The following SGCD variants were observed in gnomAD, a reference collection of about 807,000 sequenced individuals.
The protein encoded by SGCD is sarcoglycan delta, also known as delta-sarcoglycan.
A neutral mutation model predicts 36.6 loss-of-function variants in SGCD; 18 were observed. That is an observed-to-expected ratio of 0.49 (90% CI 0.34 to 0.73). The LOEUF (loss-of-function observed/expected upper bound fraction) is 0.73, where lower values mean the gene tolerates loss of function less well. SGCD is among the 30% of genes least tolerant of loss of function. The probability of loss-of-function intolerance (pLI) is 0.01; values close to 1 mark genes in which losing one functional copy is unlikely to be tolerated. For synonymous variants in SGCD, 133 were observed against 130.6 expected, an observed-to-expected ratio of 1.02 and a Z score of -0.12; for missense variants, 387 against 346.7, an observed-to-expected ratio of 1.12 and a Z score of -0.92.
chr5:155,756,279 G>A, the SGCD span, among the ~76,000 whole-genome samples: 1 of 152,330 alleles, frequency 6.6e-6, no homozygotes, highest in Admixed American at 6.5e-5. Flanking sequence ...TATCCATAGG[G>A]TACTGATTAT....
the SGCD span, among the ~76,000 whole-genome samples, chr5:155,735,266 C>T: frequency 6.6e-6 from 1 of 152,266 alleles, no homozygotes; most frequent in African/African-American, 2.4e-5. Context: ...ATGTTGGTAG[C>T]TTTGGGCAAG....
chr5:156,619,302 G>C (rs1581266598), intron 6 of SGCD, among the ~76,000 whole-genome samples: 1 of 152,272 alleles, frequency 6.6e-6, no homozygotes, highest in East Asian at 1.9e-4. Context: ...TGGGATTACA[G>C]GCGTGAGCTG....
chr5:156,158,756 G>A (rs972777044), intron 3 of SGCD, among the ~76,000 whole-genome samples: 1 of 151,382 alleles, frequency 6.6e-6, no homozygotes, highest in Non-Finnish European at 1.5e-5. Flanking sequence ...TATTTAGCAG[G>A]CACTTAGAAT....
chr5:156,333,621 C>T (rs1768173106), intron 2 of SGCD, among the ~76,000 whole-genome samples: 1 of 151,878 alleles, frequency 6.6e-6, no homozygotes. Flanking sequence ...GATTACTTAA[C>T]CACTCTTTCT....
intron 3 of SGCD, among the ~76,000 whole-genome samples, chr5:156,500,907 C>T (rs530109115): frequency 6.6e-6 from 1 of 152,282 alleles, no homozygotes; most frequent in South Asian, 2.1e-4. Flanking sequence ...CCACGTCACT[C>T]AGAATTTTGC....
rs547329808 is a variant in SGCD at position 156,020,207 on chromosome 5, GAT to G, written c.-281-97668_-281-97667del. Among the ~76,000 whole-genome samples, 356 of 152,294 alleles carry G rather than the reference GAT, an allele frequency of 2.3e-3. 1 individual carries two copies. The highest frequency in any genetic ancestry group is 8.0e-3 in the African/African-American group (332 of 41,552). On this transcript the variant is annotated intron_variant, in intron 1 of 9. Transcript: ENST00000517913. ...TTATTCTTCACTCTTTCCACTTAAT[GAT>G]ATGTCTGAAAGATCTTGAGATATCA...
intron 1 of SGCD, among the ~76,000 whole-genome samples, chr5:156,054,355 GGCTCACGGCAA>G (rs1760005103): frequency 7.2e-6 from 1 of 138,262 alleles, no homozygotes; most frequent in East Asian, 2.0e-4. Context: ...GCGCGATCTC[GGCTCACGGCAA>G]GCTCCGCCTC....
At chr5:155,733,896 T>C in the SGCD span, among the ~76,000 whole-genome samples, 25 of 152,008 alleles carry the variant, frequency 1.6e-4, no homozygotes, top group Non-Finnish European at 2.6e-4. Flanking sequence ...TGATGAATGA[T>C]TGAAGTGCTT....
intron 1 of SGCD, among the ~76,000 whole-genome samples, chr5:155,889,669 A>G (rs1756079825): frequency 6.6e-6 from 1 of 152,216 alleles, no homozygotes; most frequent in Non-Finnish European, 1.5e-5. Flanking sequence ...AGGAGAAAGA[A>G]TGATTGGAAA....
chr5:155,920,838 T>C (rs115585916), intron 1 of SGCD, among the ~76,000 whole-genome samples: 2,094 of 151,944 alleles, frequency 0.014, 44 homozygotes, highest in African/African-American at 0.041. Context: ...GACAGTGGGG[T>C]GGATAGGTCA....
intron 6 of SGCD, among the ~76,000 whole-genome samples, chr5:156,622,435 A>AAAT (rs56979795): frequency 0.18 from 24,476 of 136,794 alleles, 2,174 homozygotes; most frequent in Middle Eastern, 0.27. Flanking sequence ...TCTGTCTAAA[A>AAAT]AATAATAATA....
At chr5:155,952,776 C>T (rs1460055276) in intron 1 of SGCD, among the ~76,000 whole-genome samples, 1 of 152,172 alleles carries the variant, frequency 6.6e-6, no homozygotes, top group Non-Finnish European at 1.5e-5. Flanking sequence ...CCTTTCAAAC[C>T]TAGTCATTTG....
intron 1 of SGCD, among the ~76,000 whole-genome samples, chr5:156,000,657 A>T (rs6873111): frequency 1.3e-5 from 2 of 151,168 alleles, no homozygotes; most frequent in Admixed American, 6.6e-5. Flanking sequence ...CTGCCTCCTT[A>T]CCCCTGCCCC....
chr5:156,518,208 G>A lies in SGCD; in HGVS notation c.294+9506G>A, dbSNP rs186128973. Among the ~76,000 whole-genome samples the A allele has an allele frequency of 5.9e-5, 9 of 152,180 alleles. No homozygotes were observed. In the South Asian group the frequency reaches 6.2e-4, roughly 11 times the overall value. ...TCACAATCCTAGTTTCCGACAAAAC[G>A]GGCTTTAAACCAACAAAAATTTAAA... On this transcript the variant is annotated intron_variant, in intron 4 of 8. Coordinates refer to ENST00000337851, the MANE Select transcript of SGCD (RefSeq NM_000337.6).
At chr5:156,544,887 C>T (rs888145378) in intron 4 of SGCD, among the ~76,000 whole-genome samples, 11 of 152,122 alleles carry the variant, frequency 7.2e-5, no homozygotes, top group East Asian at 3.8e-4. Flanking sequence ...AAGGAAACAT[C>T]GTCTTAGCAA....
intron 3 of SGCD, among the ~76,000 whole-genome samples, chr5:156,212,158 C>A (rs1405552000): frequency 6.6e-6 from 1 of 152,128 alleles, no homozygotes; most frequent in African/African-American, 2.4e-5. Flanking sequence ...TAAATCCTTA[C>A]CTATCGATGA....
At chr5:156,672,157 C>T (rs1581374524) in intron 7 of SGCD, among the ~76,000 whole-genome samples, 1 of 152,168 alleles carries the variant, frequency 6.6e-6, no homozygotes, top group South Asian at 2.1e-4. Context: ...GTCATTTTCC[C>T]CAGAGAGAAA....
At chr5:156,588,829 T>G (rs1760599507) in intron 4 of SGCD, among the ~76,000 whole-genome samples, 2 of 152,252 alleles carry the variant, frequency 1.3e-5, no homozygotes, top group Admixed American at 1.3e-4. Flanking sequence ...GGACTCTGCA[T>G]GGGTCTTTTG....
intron 3 of SGCD, among the ~76,000 whole-genome samples, chr5:156,253,668 C>T (rs1765640100): frequency 6.6e-6 from 1 of 152,064 alleles, no homozygotes; most frequent in African/African-American, 2.4e-5. Context: ...ATATATCTGG[C>T]TTGTGTTCTA....
Sources: allele counts gnomAD v4.1 joint callset (sites outside exome capture counted in the v4.1 genomes callset), GRCh38; gene constraint gnomAD v4.1.1; transcripts MANE v1.5; gene names NCBI Gene and HGNC (gene_info 2026-07-23, HGNC 2026-07-21).